Variants in PARD3B observed in about 807,000 individuals in gnomAD.
PARD3B encodes the protein par-3 family cell polarity regulator beta.
A neutral mutation model predicts 130.2 loss-of-function variants in PARD3B; 103 were observed. The observed-to-expected ratio is 0.79, with a 90% CI of 0.67 to 0.93. The LOEUF (loss-of-function observed/expected upper bound fraction) is 0.93. Among genes scored for constraint, PARD3B ranks in the 40% least tolerant of loss-of-function variants. PARD3B has a pLI of 0.00. For missense variants in PARD3B, 1,609 were observed against 1,499.2 expected, an observed-to-expected ratio of 1.07 and a Z score of -1.21; for synonymous variants, 583 against 553.2, an observed-to-expected ratio of 1.05 and a Z score of -0.76.
Position 204,895,702 on chromosome 2 carries a change from T to C in PARD3B, c.223-69450T>C, listed in dbSNP as rs185123605. On this transcript the variant is annotated intron_variant, in intron 2 of 22. Coordinates refer to ENST00000406610, the MANE Select transcript of PARD3B (RefSeq NM_001302769.2). Reference sequence around the variant, plus strand: ...ATTGTGCTTTATCTTTAGGATATATTATCCTCCTTATTCAGATTCCATGTA... The same window carrying C: ...ATTGTGCTTTATCTTTAGGATATATCATCCTCCTTATTCAGATTCCATGTA... 1.8e-3 allele frequency among the ~76,000 whole-genome samples: 274 copies of C among 152,268 alleles called. 3 individuals carry two copies. The highest frequency in any genetic ancestry group is 0.017 in the Middle Eastern group (5 of 294).
chr2:204,971,372 C>G (rs113084656), intron 3 of PARD3B, among the ~76,000 whole-genome samples: 217 of 152,206 alleles, frequency 1.4e-3, no homozygotes, highest in African/African-American at 4.9e-3. Flanking sequence ...TCTGATGAAG[C>G]CTTTGAATTC....
intron 4 of PARD3B, among the ~76,000 whole-genome samples, chr2:205,100,059 C>T (rs1358961326): frequency 2.6e-5 from 4 of 152,010 alleles, no homozygotes; most frequent in Non-Finnish European, 5.9e-5. Flanking sequence ...TTTCCATATA[C>T]TCAGAGAATT....
rs1385756921 is a variant in PARD3B, at chr2:205,253,334, A to G, written c.2185+7512A>G. 3.7e-6 allele frequency: 2 copies of G among 541,090 alleles called. No homozygotes were observed. The highest frequency in any genetic ancestry group is 7.5e-6 in the Non-Finnish European group (2 of 267,228). The allele number at this position is 541,090 out of a possible 1,614,324, so 33.5% of individuals were successfully genotyped here. On this transcript the variant is annotated intron_variant, in intron 16 of 22. Transcript: ENST00000406610. The surrounding 1 kb of genome is among the most constrained non-coding windows in gnomAD (Gnocchi z 4.4). The stretch of plus-strand genomic sequence containing the variant: ...GCCCCCCTACAAAGGAGGCCATGGA[A>G]CCGATGGAACTGATGGAGGAAATGC...
chr2:205,147,541 G>A (rs1430701310), intron 10 of PARD3B, among the ~76,000 whole-genome samples: 1 of 152,116 alleles, frequency 6.6e-6, no homozygotes, highest in Non-Finnish European at 1.5e-5. Context: ...TTTTTGGTAA[G>A]TTGAGTCAGA....
chr2:204,991,309 G>A (rs1373970648), intron 3 of PARD3B, among the ~76,000 whole-genome samples: 2 of 144,652 alleles, frequency 1.4e-5, no homozygotes, highest in African/African-American at 5.2e-5. Flanking sequence ...TCCCACCTAT[G>A]AGTGAGAATA....
At chr2:205,441,602 C>T (rs952116291) in intron 20 of PARD3B, among the ~76,000 whole-genome samples, 43 of 152,270 alleles carry the variant, frequency 2.8e-4, no homozygotes, top group African/African-American at 9.9e-4. Context: ...CTGACAACCA[C>T]CCAGTCCCTA....
intron 18 of PARD3B, among the ~76,000 whole-genome samples, chr2:205,376,305 C>A (rs570628174): frequency 6.6e-6 from 1 of 152,080 alleles, no homozygotes; most frequent in Non-Finnish European, 1.5e-5. Flanking sequence ...AGTAATGGGT[C>A]GGAGGATACT....
intron 22 of PARD3B, among the ~76,000 whole-genome samples, chr2:205,593,366 G>A (rs1225709578): frequency 6.6e-6 from 1 of 152,188 alleles, no homozygotes; most frequent in Non-Finnish European, 1.5e-5. Context: ...TGTAGTTGAT[G>A]CATTTTTTAA....
chr2:205,048,383 C>T (rs922033356), intron 4 of PARD3B: 2 of 152,160 alleles, frequency 1.3e-5, no homozygotes, highest in African/African-American at 4.8e-5. Context: ...AGATGATATT[C>T]TCCTTCCATA....
chr2:205,309,718 A>G lies in PARD3B; in HGVS notation c.2630+8017A>G, dbSNP rs16837173. On this transcript the variant is annotated intron_variant, in intron 18 of 22. Coordinates refer to ENST00000406610, the MANE Select transcript of PARD3B (RefSeq NM_001302769.2). This position sits in a 1 kb window ranked among gnomAD's most constrained non-coding sequence, Gnocchi z 4.7. ...TAATGCTGAACCTAATTAAAAATCTATCCCTTACAAGCTCTGCGGCCTTCA... is the reference window on the plus strand; with the variant it reads ...TAATGCTGAACCTAATTAAAAATCTGTCCCTTACAAGCTCTGCGGCCTTCA... Among the ~76,000 whole-genome samples the G allele has an allele frequency of 0.032, 4,805 of 152,082 alleles. 217 individuals are homozygous for G. The highest frequency in any genetic ancestry group is 0.11 in the African/African-American group (4,355 of 41,472).
intron 2 of PARD3B, among the ~76,000 whole-genome samples, chr2:204,839,667 G>A (rs1463275989): frequency 1.3e-5 from 2 of 152,006 alleles, no homozygotes; most frequent in East Asian, 3.9e-4. Flanking sequence ...CTCATTTTGT[G>A]TGTGCATTTG....
chr2:204,963,748 T>C (rs1222313384), intron 2 of PARD3B, among the ~76,000 whole-genome samples: 1 of 152,184 alleles, frequency 6.6e-6, no homozygotes, highest in African/African-American at 2.4e-5. Context: ...TTAAGTCTTA[T>C]CTCCAATAAG....
chr2:205,615,692 A>G lies in PARD3B; in HGVS notation c.3497A>G (p.His1166Arg), dbSNP rs2105807243. 1 of 1,613,838 alleles carries G rather than the reference A, an allele frequency of 6.2e-7. No homozygotes were observed. Among genetic ancestry groups the G allele is most frequent in the African/African-American group, 1.3e-5 (1 of 74,934 alleles). ...RQDVPPSPPQ[H>R]QRMPAYQETG... ...GACGTTCCGCCTTCCCCTCCCCAGCACCAAAGAATGCCAGCCTATCAGGAA... is the reference window on the plus strand; with the variant it reads ...GACGTTCCGCCTTCCCCTCCCCAGCGCCAAAGAATGCCAGCCTATCAGGAA... The change falls in exon 23 of 23, where the codon CAC (histidine) becomes CGC (arginine). Residue 1166 changes from histidine (H) to arginine (R), a missense_variant. Physicochemically the swap from His to Arg is conservative, Grantham distance 29 (BLOSUM62 0). Coordinates refer to ENST00000406610, the MANE Select transcript of PARD3B (RefSeq NM_001302769.2).
At chr2:205,048,665 G>C (rs933166224) in intron 4 of PARD3B, 2 of 152,124 alleles carry the variant, frequency 1.3e-5, no homozygotes, top group Non-Finnish European at 2.9e-5. Context: ...AGGTTTTTCT[G>C]ATTTGGTATA....
intron 16 of PARD3B, among the ~76,000 whole-genome samples, chr2:205,271,992 T>C (rs2040746488): frequency 6.6e-6 from 1 of 152,012 alleles, no homozygotes; most frequent in Non-Finnish European, 1.5e-5. Flanking sequence ...ACCCCGTCTC[T>C]ACTAAAAATA....
intron 18 of PARD3B, among the ~76,000 whole-genome samples, chr2:205,392,318 A>G (rs1470434054): frequency 6.6e-6 from 1 of 152,220 alleles, no homozygotes; most frequent in Non-Finnish European, 1.5e-5. Flanking sequence ...ATTCAGAATG[A>G]GAAATTGCCA....
At chr2:205,372,597 T>C (rs2044865078) in intron 18 of PARD3B, among the ~76,000 whole-genome samples, 1 of 152,200 alleles carries the variant, frequency 6.6e-6, no homozygotes, top group South Asian at 2.1e-4. Flanking sequence ...AAAAATTTGG[T>C]TTATATAAAG....
intron 1 of PARD3B, among the ~76,000 whole-genome samples, chr2:204,555,348 A>G (rs988293267): frequency 2.6e-5 from 4 of 152,140 alleles, no homozygotes; most frequent in African/African-American, 9.7e-5. Flanking sequence ...ACCTGAGCTC[A>G]GGAGTTCAAG....
intron 3 of PARD3B, among the ~76,000 whole-genome samples, chr2:204,976,574 TAAAA>T (rs1432478062): frequency 6.8e-6 from 1 of 147,434 alleles, no homozygotes; most frequent in Non-Finnish European, 1.5e-5. Flanking sequence ...GAGGAAAAAA[TAAAA>T]AAACTCCATG....
Sources: allele counts gnomAD v4.1 joint callset (sites outside exome capture counted in the v4.1 genomes callset), GRCh38; gene constraint gnomAD v4.1.1; non-coding constraint Gnocchi (gnomAD v3.1); transcripts MANE v1.5; gene names NCBI Gene and HGNC (gene_info 2026-07-23, HGNC 2026-07-21).